Variants in EPHA6 observed in about 807,000 individuals in gnomAD.
The protein encoded by EPHA6 is ephrin type-A receptor 6.
In EPHA6, 50 loss-of-function variants were observed where a neutral mutation model predicts 112.0. The ratio of observed to expected loss-of-function variants is 0.45; its 90% CI spans 0.36 to 0.56. EPHA6 has a LOEUF of 0.56. Ranked by LOEUF, EPHA6 falls within the 20% of genes least tolerant of loss-of-function variation. EPHA6 has a pLI of 0.00. For missense variants in EPHA6, 1,280 were observed against 1,417.4 expected (o/e 0.90, Z 1.56); for synonymous variants, 529 against 490.7 (o/e 1.08, Z -1.03).
At chr3:97,559,387 G>C (rs1411413325) in intron 11 of EPHA6, among the ~76,000 whole-genome samples, 1 of 151,894 alleles carries the variant, frequency 6.6e-6, no homozygotes, top group African/African-American at 2.4e-5. Flanking sequence ...GTTTTGAATG[G>C]GTTGATGAAC....
chr3:97,505,451 T>A (rs986215795), intron 10 of EPHA6, among the ~76,000 whole-genome samples: 1 of 152,092 alleles, frequency 6.6e-6, no homozygotes, highest in Non-Finnish European at 1.5e-5. Context: ...TGGTTGTCTG[T>A]TCCTGTGTTA....
intron 1 of EPHA6, among the ~76,000 whole-genome samples, chr3:96,835,521 G>C (rs1032372116): frequency 6.6e-6 from 1 of 151,994 alleles, no homozygotes; most frequent in African/African-American, 2.4e-5. Flanking sequence ...GAGGTGACTG[G>C]CAAATAGTTG....
intron 2 of EPHA6, among the ~76,000 whole-genome samples, chr3:96,942,628 C>T (rs1451917412): frequency 6.6e-6 from 1 of 152,192 alleles, no homozygotes; most frequent in Non-Finnish European, 1.5e-5. Flanking sequence ...CTGTCCTGCG[C>T]CCACTGTCTG....
intron 3 of EPHA6, among the ~76,000 whole-genome samples, chr3:97,079,485 A>G (rs574307783): frequency 1.3e-5 from 2 of 151,936 alleles, no homozygotes; most frequent in African/African-American, 4.8e-5. Context: ...ATCAGGAAAA[A>G]CAACTAATCA....
Position 96,946,790 on chromosome 3 carries a change from A to G in EPHA6, c.451-40540A>G, listed in dbSNP as rs926204160. ...GGTTGAACTAGTTTACAGACCCACC[A>G]ACAGTGTAAAAGTGTTCCTATTTCT... On this transcript the variant is annotated intron_variant, in intron 2 of 17. Transcript: ENST00000389672. Among the ~76,000 whole-genome samples, 3 of 152,194 alleles carry G rather than the reference A, an allele frequency of 2.0e-5. No individual in the cohort carries two copies. In the East Asian group the frequency reaches 5.8e-4, roughly 29 times the overall value.
At chr3:96,866,610 A>G (rs2107454366) in intron 1 of EPHA6, among the ~76,000 whole-genome samples, 1 of 151,934 alleles carries the variant, frequency 6.6e-6, no homozygotes, top group African/African-American at 2.4e-5. Flanking sequence ...TACATACTTT[A>G]ATTTCTAAAT....
chr3:97,406,437 T>A (rs1441448144), intron 6 of EPHA6, among the ~76,000 whole-genome samples: 2 of 152,108 alleles, frequency 1.3e-5, no homozygotes, highest in African/African-American at 4.8e-5. Context: ...AGCTTACTTC[T>A]GCAATATGAA....
rs1023650601 is a variant in EPHA6 at position 97,324,488 on chromosome 3, CTCTT to C, written c.1606+80212_1606+80215del. On this transcript the variant is annotated intron_variant, in intron 5 of 17. Transcript: ENST00000389672. ...TTCTTTCTTTTTCTTTCGTCTCTTT[CTCTT>C]TCTTTCTTTCATCTCTTTCTCTTTC... Among the ~76,000 whole-genome samples the C allele has an allele frequency of 2.1e-3, 166 of 79,216 alleles. 1 individual carries two copies. The highest frequency in any genetic ancestry group is 1.7e-3 in the South Asian group (5 of 2,874). The allele number at this position is 79,216 out of a possible 152,430, so 52.0% of individuals were successfully genotyped here.
chr3:97,035,496 C>T (rs1445119041), intron 3 of EPHA6, among the ~76,000 whole-genome samples: 1 of 151,868 alleles, frequency 6.6e-6, no homozygotes, highest in Admixed American at 6.6e-5. Flanking sequence ...TATGCTCCTT[C>T]TAGTATTGTA....
chr3:97,438,161 G>A (rs2107264327), intron 6 of EPHA6, among the ~76,000 whole-genome samples: 1 of 152,224 alleles, frequency 6.6e-6, no homozygotes, highest in Admixed American at 6.5e-5. Flanking sequence ...AATATTTATA[G>A]AGTGGTAAAG....
intron 11 of EPHA6, among the ~76,000 whole-genome samples, chr3:97,555,601 T>C (rs539478086): frequency 6.6e-6 from 1 of 152,202 alleles, no homozygotes; most frequent in Admixed American, 6.5e-5. Context: ...GTTTCCTGAC[T>C]TTTTAATGAT....
At chr3:97,256,695 G>C (rs1429451682) in intron 5 of EPHA6, among the ~76,000 whole-genome samples, 1 of 151,814 alleles carries the variant, frequency 6.6e-6, no homozygotes, top group Non-Finnish European at 1.5e-5. Flanking sequence ...CTGTTTAAAA[G>C]CTTTCTTAGG....
chr3:96,906,338 A>G (rs1418760533), intron 2 of EPHA6, among the ~76,000 whole-genome samples: 2 of 152,008 alleles, frequency 1.3e-5, no homozygotes, highest in African/African-American at 4.8e-5. Flanking sequence ...GTCAAGTGTC[A>G]TCCGTCTTTG....
intron 5 of EPHA6, among the ~76,000 whole-genome samples, chr3:97,355,829 G>A (rs1274072741): frequency 6.6e-6 from 1 of 151,994 alleles, no homozygotes; most frequent in Non-Finnish European, 1.5e-5. Flanking sequence ...TGAAAATAAA[G>A]GGATAAAGAT....
At chr3:96,953,877 C>CTT (rs201760996) in intron 2 of EPHA6, among the ~76,000 whole-genome samples, 18 of 146,860 alleles carry the variant, frequency 1.2e-4, no homozygotes, top group South Asian at 4.3e-4. Flanking sequence ...ATTTCAATAA[C>CTT]TTTTTTTTTT....
Position 97,720,306 on chromosome 3 carries a change from T to C in EPHA6, c.2830T>C (p.Tyr944His), listed in dbSNP as rs1191474335. 4 of 1,610,624 alleles carry C rather than the reference T, an allele frequency of 2.5e-6. No individual in the cohort carries two copies. Among genetic ancestry groups the C allele is most frequent in the Non-Finnish European group, 3.4e-6 (4 of 1,178,650 alleles). ...IRWTAPEAIA[Y>H]RKFSSASDAW... ...GTGGACAGCCCCAGAAGCCATCGCC[T>C]ACAGAAAATTCTCCTCAGCAAGCGA... Residue 944 changes from tyrosine (Y) to histidine (H), a missense_variant, in exon 15 of 18, where the codon TAC becomes CAC. By Grantham distance (83) the Tyr-to-His change is moderately conservative. Coordinates refer to ENST00000389672, the MANE Select transcript of EPHA6 (RefSeq NM_001080448.3).
chr3:97,667,306 G>A (rs893006192), intron 14 of EPHA6, among the ~76,000 whole-genome samples: 10 of 152,060 alleles, frequency 6.6e-5, no homozygotes, highest in African/African-American at 2.4e-4. Flanking sequence ...TCATATAACT[G>A]TAAAAGTGAC....
intron 2 of EPHA6, among the ~76,000 whole-genome samples, chr3:96,981,039 T>C (rs1303451740): frequency 2.6e-5 from 4 of 152,230 alleles, no homozygotes; most frequent in African/African-American, 9.6e-5. Flanking sequence ...GAATACCCTT[T>C]ATTTCTTTCT....
At chr3:97,720,222 A>G (rs1361164455) in intron 14 of EPHA6, 39 bp from the exon 15 acceptor site, 1 of 1,494,538 alleles carries the variant, frequency 6.7e-7, no homozygotes, top group East Asian at 2.4e-5. Flanking sequence ...TTTTAATACA[A>G]CGATAAGCCA....
Sources: gnomAD v4.1 joint callset for allele counts (sites outside exome capture counted in the v4.1 genomes callset) on GRCh38, gnomAD v4.1.1 for gene constraint, MANE v1.5 for transcripts, NCBI Gene and HGNC (gene_info 2026-07-23, HGNC 2026-07-21) for gene names.